The following PCDHA2 variants were observed in gnomAD, a reference collection of about 807,000 sequenced individuals.
The protein encoded by PCDHA2 is protocadherin alpha 2, also known as protocadherin alpha-2.
A neutral mutation model predicts 66.0 loss-of-function variants in PCDHA2; 58 were observed. The observed-to-expected ratio is 0.88, with a 90% CI of 0.71 to 1.09. The LOEUF is 1.09. Among genes scored for constraint, PCDHA2 ranks in the 50% least tolerant of loss-of-function variants. The probability of loss-of-function intolerance (pLI) is 0.00; values close to 1 mark genes in which losing one functional copy is unlikely to be tolerated. For missense variants in PCDHA2, 1,267 were observed against 1,242.3 expected (o/e 1.02, Z -0.30); for synonymous variants, 634 against 554.0 (o/e 1.14, Z -2.03).
chr5:140,809,598 A>C, intron 1 of PCDHA2: 1 of 1,531,486 alleles, frequency 6.5e-7, no homozygotes, highest in Non-Finnish European at 8.8e-7. Context: ...CCTTTTGTTT[A>C]ATTTTCGTAT....
chr5:140,967,332 C>T (rs1269679357), intron 1 of PCDHA2: 2 of 1,607,906 alleles, frequency 1.2e-6, no homozygotes, highest in Non-Finnish European at 1.7e-6. Context: ...GAGCTCAGCC[C>T]CAGCGAGCAC....
intron 1 of PCDHA2, chr5:140,930,305 T>C (rs1554207723): frequency 6.6e-6 from 1 of 152,252 alleles, no homozygotes; most frequent in Non-Finnish European, 1.5e-5. Flanking sequence ...TAAGTAAATA[T>C]CATATTTGAG....
intron 1 of PCDHA2, chr5:140,875,922 T>C: frequency 6.2e-7 from 1 of 1,614,200 alleles, no homozygotes; most frequent in South Asian, 1.1e-5. Context: ...CTCTGGACTC[T>C]CATTTTCCTC....
At chr5:140,828,724 C>A (rs2150158258) in intron 1 of PCDHA2, 6 of 1,614,204 alleles carry the variant, frequency 3.7e-6, no homozygotes, top group Non-Finnish European at 5.1e-6. Flanking sequence ...ACAACTTATT[C>A]CTGACAGCCA....
rs782634199 is a variant in PCDHA2 at position 140,882,705 on chromosome 5, G to A, written c.2388+85353G>A. The A allele has an allele frequency of 3.7e-6, 6 of 1,614,172 alleles. No individual in the cohort carries two copies. The South Asian group carries it at 6.6e-5, about 18-fold the overall frequency. On this transcript the variant is annotated intron_variant, in intron 1 of 3. Transcript: ENST00000526136. ...AAACGAATAATCATTGCAGAATCTA[G>A]ACCTCCGGAAACTCGATTTCCACTA...
chr5:140,893,725 C>A (rs782492563), intron 1 of PCDHA2, among the ~76,000 whole-genome samples: 4 of 152,154 alleles, frequency 2.6e-5, no homozygotes, highest in Non-Finnish European at 5.9e-5. Context: ...GCTGAGAAAT[C>A]TGCTGTTAGT....
At chr5:140,797,506 A>G (rs1023242351) in intron 1 of PCDHA2, 154 bp downstream of exon 1, 1 of 887,356 alleles carries the variant, frequency 1.1e-6, no homozygotes, top group East Asian at 2.6e-5. Context: ...AATTTATTGC[A>G]TTTACTGAAC....
chr5:140,962,870 T>C (rs558640798), intron 1 of PCDHA2, among the ~76,000 whole-genome samples: 1 of 152,306 alleles, frequency 6.6e-6, no homozygotes, highest in Admixed American at 6.5e-5. Context: ...TAGAGCAACA[T>C]AAATACATGA....
intron 3 of PCDHA2, among the ~76,000 whole-genome samples, chr5:140,993,888 G>A (rs1196429613): frequency 6.6e-6 from 1 of 152,140 alleles, no homozygotes; most frequent in African/African-American, 2.4e-5. Flanking sequence ...GCTCTATGAT[G>A]TCCATACAAC....
intron 1 of PCDHA2, among the ~76,000 whole-genome samples, chr5:140,938,121 A>T (rs981387543): frequency 2.0e-5 from 3 of 151,892 alleles, no homozygotes; most frequent in Admixed American, 6.6e-5. Context: ...CTCTTTTTTT[A>T]AAAAAATAGA....
chr5:140,933,137 A>C (rs1378585369), intron 1 of PCDHA2, among the ~76,000 whole-genome samples: 1 of 151,994 alleles, frequency 6.6e-6, no homozygotes, highest in African/African-American at 2.4e-5. Context: ...ATAAAGGTAG[A>C]TAGCCACTCA....
intron 1 of PCDHA2, chr5:140,808,630 C>A: frequency 2.5e-6 from 4 of 1,613,606 alleles, no homozygotes; most frequent in Non-Finnish European, 2.5e-6. Flanking sequence ...CTGCGTGGGA[C>A]GCGGACGCGC....
At chr5:140,845,964 G>A (rs1780137378) in intron 1 of PCDHA2, among the ~76,000 whole-genome samples, 1 of 149,394 alleles carries the variant, frequency 6.7e-6, no homozygotes, top group Non-Finnish European at 1.5e-5. Context: ...GATTAACCTA[G>A]GATGTTTCAA....
intron 1 of PCDHA2, among the ~76,000 whole-genome samples, chr5:140,895,520 A>G (rs1053295495): frequency 6.6e-6 from 1 of 152,116 alleles, no homozygotes; most frequent in South Asian, 2.1e-4. Context: ...TAATTGGTTT[A>G]TTCGTTTTTC....
chr5:140,821,080 G>A (rs1397994705), intron 1 of PCDHA2, among the ~76,000 whole-genome samples: 1 of 151,866 alleles, frequency 6.6e-6, no homozygotes, highest in South Asian at 2.1e-4. Context: ...AGTTGTTTTT[G>A]AAAATAACAT....
rs782631991 is a variant in PCDHA2, at chr5:140,966,741, G to C, written c.2389-12208G>C. The C allele has an allele frequency of 7.5e-4, 1,063 of 1,421,208 alleles. 1 individual carries two copies. The highest frequency in any genetic ancestry group is 9.1e-4 in the Non-Finnish European group (995 of 1,093,108). The allele number at this position is 1,421,208 out of a possible 1,614,324, so 88.0% of individuals were successfully genotyped here. Reference sequence around the variant, plus strand: ...GAAGCTGCCGCCTCCGGCCCTGCCCGGCTGCCTCCGCCGCGGCCAGTGGCT... The same window carrying C: ...GAAGCTGCCGCCTCCGGCCCTGCCCCGCTGCCTCCGCCGCGGCCAGTGGCT... On this transcript the variant is annotated intron_variant, in intron 1 of 3. Transcript: ENST00000526136.
intron 1 of PCDHA2, chr5:140,841,359 G>A (rs2150314214): frequency 6.2e-7 from 1 of 1,613,176 alleles, no homozygotes; most frequent in Non-Finnish European, 8.5e-7. Flanking sequence ...GGATCCTGGC[G>A]ACTACTACTC....
intron 1 of PCDHA2, chr5:140,877,758 G>T (rs782480713): frequency 6.2e-7 from 1 of 1,614,190 alleles, no homozygotes; most frequent in East Asian, 2.2e-5. Flanking sequence ...GCTCTGCAGA[G>T]AGCCCGCCCA....
intron 1 of PCDHA2, chr5:140,830,264 G>A (rs748242537): frequency 6.2e-7 from 1 of 1,613,678 alleles, no homozygotes; most frequent in Non-Finnish European, 8.5e-7. Context: ...GCGGTGCTCG[G>A]CGCCACCCAC....
Sources: gnomAD v4.1 joint callset for allele counts (sites outside exome capture counted in the v4.1 genomes callset) on GRCh38, gnomAD v4.1.1 for gene constraint, MANE v1.5 for transcripts, NCBI Gene and HGNC (gene_info 2026-07-23, HGNC 2026-07-21) for gene names.